The following CWC27 variants were observed in gnomAD, a reference collection of about 807,000 sequenced individuals.
CWC27 encodes CWC27 spliceosome associated cyclophilin, also known as spliceosome-associated protein CWC27 homolog.
In CWC27, 47 loss-of-function variants were observed where a neutral mutation model predicts 63.6. The ratio of observed to expected loss-of-function variants is 0.74; its 90% CI spans 0.58 to 0.94. CWC27 has a LOEUF of 0.94. CWC27 is among the 40% of genes least tolerant of loss of function. CWC27 has a pLI of 0.00. For missense variants in CWC27, 495 were observed against 554.3 expected (o/e 0.89, Z 1.07); for synonymous variants, 175 against 179.8 (o/e 0.97, Z 0.22).
chr5:64,769,233 G>T (rs764177551), intron 1 of CWC27, 45 bp downstream of exon 1: 1 of 1,585,156 alleles, frequency 6.3e-7, no homozygotes, highest in East Asian at 2.2e-5. Flanking sequence ...GATCCCCAAA[G>T]TGAGATTTCC....
intron 13 of CWC27, among the ~76,000 whole-genome samples, chr5:64,977,558 A>G (rs983321068): frequency 6.6e-6 from 1 of 152,192 alleles, no homozygotes; most frequent in African/African-American, 2.4e-5. Context: ...GACTCACATT[A>G]AACAACTCGA....
intron 11 of CWC27, among the ~76,000 whole-genome samples, chr5:64,945,812 A>G (rs554186510): frequency 6.6e-6 from 1 of 152,286 alleles, no homozygotes; most frequent in Admixed American, 6.5e-5. Flanking sequence ...TTAGAGACGA[A>G]ACCTACCTTC....
intron 7 of CWC27, among the ~76,000 whole-genome samples, chr5:64,797,090 A>G (rs576811267): frequency 6.6e-6 from 1 of 151,608 alleles, no homozygotes; most frequent in Non-Finnish European, 1.5e-5. Context: ...TCATTTTTAC[A>G]TTTGTTTGCA....
intron 10 of CWC27, among the ~76,000 whole-genome samples, chr5:64,871,905 C>A (rs1181527710): frequency 1.3e-5 from 2 of 152,024 alleles, no homozygotes; most frequent in African/African-American, 4.8e-5. Context: ...AAAAAGCAAG[C>A]AAAATACTTC....
At chr5:64,912,001 G>C (rs1747795964) in intron 11 of CWC27, among the ~76,000 whole-genome samples, 1 of 150,352 alleles carries the variant, frequency 6.7e-6, no homozygotes, top group Admixed American at 6.7e-5. Flanking sequence ...GTGAACCCAG[G>C]AGGCAGATCT....
At chr5:64,941,987 A>G (rs1748491812) in intron 11 of CWC27, among the ~76,000 whole-genome samples, 1 of 152,126 alleles carries the variant, frequency 6.6e-6, no homozygotes, top group Admixed American at 6.5e-5. Context: ...ACAGGCAGTC[A>G]GCAAATTATA....
At chr5:64,944,358 C>T (rs990150363) in intron 11 of CWC27, among the ~76,000 whole-genome samples, 1 of 152,120 alleles carries the variant, frequency 6.6e-6, no homozygotes, top group African/African-American at 2.4e-5. Flanking sequence ...CACACAACTG[C>T]TTAGCCCTCT....
chr5:64,871,646 A>G (rs958234862), intron 10 of CWC27, among the ~76,000 whole-genome samples: 9 of 152,138 alleles, frequency 5.9e-5, no homozygotes, highest in Admixed American at 5.9e-4. Context: ...GTAGCATTGA[A>G]GTGATGAGAT....
At chr5:64,907,639 A>C (rs572942805) in intron 11 of CWC27, among the ~76,000 whole-genome samples, 50 of 152,252 alleles carry the variant, frequency 3.3e-4, no homozygotes, top group African/African-American at 1.1e-3. Flanking sequence ...TCTTTTCCTA[A>C]TTGAATACCC....
chr5:65,003,891 C>A (rs928749874), intron 13 of CWC27, among the ~76,000 whole-genome samples: 4 of 150,642 alleles, frequency 2.7e-5, no homozygotes, highest in Non-Finnish European at 5.9e-5. Context: ...GTTGCCCAGG[C>A]TGGAATGCAG....
chr5:64,886,085 T>C (rs1191943584), intron 11 of CWC27, among the ~76,000 whole-genome samples: 1 of 152,188 alleles, frequency 6.6e-6, no homozygotes, highest in Non-Finnish European at 1.5e-5. Flanking sequence ...GTTTTTACTC[T>C]TATGTTAAGA....
intron 7 of CWC27, among the ~76,000 whole-genome samples, chr5:64,799,796 T>G (rs540450102): frequency 6.6e-6 from 1 of 152,130 alleles, no homozygotes; most frequent in East Asian, 1.9e-4. Flanking sequence ...TGTTGGTAAG[T>G]AGTTCCTCGG....
At position 64,885,467 on chromosome 5, in the gene CWC27, A is replaced by T; in HGVS notation, c.963A>T (p.Arg321Ser). ...SRSEELRKEA[R>S]QLKRELLAAK... ...GTGAAGAGCTCAGAAAAGAAGCAAG[A>T]CAATTAAAACGGGAACTCTTAGCAG... Residue 321 changes from arginine (R) to serine (S), a missense_variant, in exon 11 of 14, where the codon AGA becomes AGT. Around this residue, in one of 3 missense-constraint regions of CWC27, gnomAD observed 463 missense variants for 498.1 expected, o/e 0.93. Transcript: ENST00000381070. 1 of 1,608,962 alleles carries T rather than the reference A, an allele frequency of 6.2e-7. No individual in the cohort carries two copies. The highest frequency in any genetic ancestry group is 8.5e-7 in the Non-Finnish European group (1 of 1,177,654).
intron 7 of CWC27, 32 bp from the exon 8 acceptor site, chr5:64,800,216 C>A (rs1372865906): frequency 2.2e-6 from 3 of 1,393,752 alleles, no homozygotes; most frequent in Non-Finnish European, 3.0e-6. Context: ...GTTTATTTCC[C>A]CCCTCATGAT....
At chr5:64,800,198 G>T in intron 7 of CWC27, 50 bp from the exon 8 acceptor site, 3 of 1,216,690 alleles carry the variant, frequency 2.5e-6, no homozygotes, top group South Asian at 1.3e-5. Context: ...TTGTTATTTA[G>T]GAATACTGTT....
intron 13 of CWC27, among the ~76,000 whole-genome samples, chr5:64,994,168 CATT>C (rs1316695250): frequency 3.9e-5 from 6 of 152,204 alleles, no homozygotes; most frequent in Non-Finnish European, 7.4e-5. Flanking sequence ...AGATTATCAT[CATT>C]GTTTTTGTCT....
At chr5:64,797,992 T>C (rs553026059) in intron 7 of CWC27, among the ~76,000 whole-genome samples, 2 of 152,222 alleles carry the variant, frequency 1.3e-5, no homozygotes, top group Non-Finnish European at 2.9e-5. Context: ...ATGTTTATGA[T>C]TGTGACTTTA....
At chr5:65,014,268 A>G (rs1750014135) in intron 13 of CWC27, among the ~76,000 whole-genome samples, 1 of 147,786 alleles carries the variant, frequency 6.8e-6, no homozygotes, top group African/African-American at 2.5e-5. Flanking sequence ...TATATAATAT[A>G]TACCATAGAG....
At chr5:64,960,737 A>T (rs559976367) in intron 11 of CWC27, among the ~76,000 whole-genome samples, 100 of 152,294 alleles carry the variant, frequency 6.6e-4, no homozygotes, top group East Asian at 1.9e-3. Flanking sequence ...AATCATTTAT[A>T]AGCAGGCTTA....
Sources: allele counts gnomAD v4.1 joint callset (sites outside exome capture counted in the v4.1 genomes callset), GRCh38; gene constraint gnomAD v4.1.1; regional missense constraint gnomAD v4.1.1; transcripts MANE v1.5; gene names NCBI Gene and HGNC (gene_info 2026-07-23, HGNC 2026-07-21).